The following TANC2 variants were observed in gnomAD, a reference collection of about 807,000 sequenced individuals.
TANC2 encodes the protein protein TANC2.
Under a neutral mutation model 210.5 loss-of-function variants are expected in TANC2, and 26 were observed. The observed-to-expected ratio is 0.12, with a 90% CI of 0.09 to 0.17. The LOEUF is 0.17. Ranked by LOEUF, TANC2 falls within the 10% of genes least tolerant of loss-of-function variation. TANC2 has a pLI of 1.00. For missense variants in TANC2, 2,129 were observed against 2,608.9 expected (o/e 0.82, Z 4.01); for synonymous variants, 931 against 967.1 (o/e 0.96, Z 0.69).
intron 25 of TANC2, among the ~76,000 whole-genome samples, chr17:63,413,952 T>A (rs1317608483): frequency 6.6e-6 from 1 of 152,218 alleles, no homozygotes; most frequent in Non-Finnish European, 1.5e-5. Context: ...AGTAAAATTA[T>A]GTAGTATAGC....
intron 9 of TANC2, among the ~76,000 whole-genome samples, chr17:63,301,828 T>C (rs2044726978): frequency 6.6e-6 from 1 of 152,320 alleles, no homozygotes; most frequent in African/African-American, 2.4e-5. Context: ...AGCTTTTGGA[T>C]TTGTTTGCTC....
intron 14 of TANC2, among the ~76,000 whole-genome samples, chr17:63,365,778 C>T (rs2047092574): frequency 6.6e-6 from 1 of 152,058 alleles, no homozygotes; most frequent in Admixed American, 6.6e-5. Flanking sequence ...ATCTCTCACT[C>T]CTCCTTCAGA....
At chr17:63,087,092 C>T (rs1321364159) in intron 3 of TANC2, among the ~76,000 whole-genome samples, 1 of 152,230 alleles carries the variant, frequency 6.6e-6, no homozygotes, top group Non-Finnish European at 1.5e-5. Context: ...CCTTTAAGAG[C>T]TGTAACAATC....
chr17:62,980,566 T>C (rs2032249518), intron 1 of TANC2, among the ~76,000 whole-genome samples: 1 of 152,180 alleles, frequency 6.6e-6, no homozygotes, highest in African/African-American at 2.4e-5. Context: ...TAACATGCAA[T>C]ACTCTGGCTT....
At chr17:63,201,295 G>A (rs1445407042) in intron 7 of TANC2, among the ~76,000 whole-genome samples, 6 of 152,102 alleles carry the variant, frequency 3.9e-5, no homozygotes, top group East Asian at 1.9e-4. Context: ...TGGTATAGTC[G>A]AGAGTTTTAT....
At chr17:63,052,546 G>A (rs998752419) in intron 2 of TANC2, among the ~76,000 whole-genome samples, 1 of 152,160 alleles carries the variant, frequency 6.6e-6, no homozygotes, top group Admixed American at 6.6e-5. Context: ...ATGGTTGCAA[G>A]TAACAGAAAA....
At chr17:63,156,360 G>A (rs558221159) in intron 5 of TANC2, among the ~76,000 whole-genome samples, 1 of 151,770 alleles carries the variant, frequency 6.6e-6, no homozygotes, top group Admixed American at 6.6e-5. Flanking sequence ...CAAAACAGTT[G>A]GTAACCTCCC....
chr17:63,123,467 G>A (rs2038567755), intron 4 of TANC2, among the ~76,000 whole-genome samples: 1 of 151,494 alleles, frequency 6.6e-6, no homozygotes, highest in Non-Finnish European at 1.5e-5. Context: ...GCTGAGGCAG[G>A]AGAGTTGCTT....
intron 2 of TANC2, among the ~76,000 whole-genome samples, chr17:63,073,455 T>G (rs2144652689): frequency 6.6e-6 from 1 of 152,134 alleles, no homozygotes; most frequent in East Asian, 1.9e-4. Context: ...TTTATTTGGT[T>G]TTTAGCTTTT....
Position 63,412,089 on chromosome 17 carries a change from C to T in TANC2, c.3857C>T (p.Thr1286Ile). 3.1e-6 allele frequency: 5 copies of T among 1,613,970 alleles called. No homozygotes were observed. Among genetic ancestry groups the T allele is most frequent in the Non-Finnish European group, 4.2e-6 (5 of 1,179,882 alleles). ...GATAGGGCAGTGGGGTGCCGGAACACTTCTGTTGTTGTCACTCTTCTGAAG... is the reference window on the plus strand; with the variant it reads ...GATAGGGCAGTGGGGTGCCGGAACATTTCTGTTGTTGTCACTCTTCTGAAG... The change falls in exon 23 of 28, where the codon ACT becomes ATT. Residue 1286 changes from threonine to isoleucine, a missense_variant. By Grantham distance (89) the Thr-to-Ile change is moderately conservative (BLOSUM62 -1). Around this residue, in one of 5 missense-constraint regions of TANC2, gnomAD observed 644 missense variants for 937.5 expected, o/e 0.69. Coordinates refer to ENST00000689528, the Ensembl canonical transcript of TANC2. The surrounding 1 kb of genome is among the most constrained non-coding windows in gnomAD (Gnocchi z 4.2).
intron 8 of TANC2, among the ~76,000 whole-genome samples, chr17:63,247,403 T>G (rs1040839501): frequency 2.0e-5 from 3 of 151,996 alleles, no homozygotes; most frequent in African/African-American, 7.2e-5. Context: ...GACATTGGGG[T>G]TTGTTTTAAC....
chr17:63,024,381 C>T (rs2034467615), intron 2 of TANC2, among the ~76,000 whole-genome samples: 1 of 152,192 alleles, frequency 6.6e-6, no homozygotes, highest in African/African-American at 2.4e-5. Flanking sequence ...CCTGTCATTG[C>T]CATGACATTC....
intron 1 of TANC2, among the ~76,000 whole-genome samples, chr17:62,976,356 C>G (rs1372179184): frequency 6.6e-6 from 1 of 151,992 alleles, no homozygotes; most frequent in East Asian, 1.9e-4. Context: ...ACCCCTACCC[C>G]CAGCCAGTGC....
In TANC2 at chr17:63,411,717, CAG is replaced by C. The variant is rs758035707; in HGVS notation, c.3765+38_3765+39del. The C allele has an allele frequency of 6.8e-5, 108 of 1,584,356 alleles. 1 individual carries two copies. Among genetic ancestry groups the C allele is most frequent in the Non-Finnish European group, 9.0e-5 (105 of 1,165,792 alleles). On this transcript the variant is annotated intron_variant, in intron 22 of 27. Transcript: ENST00000689528. ...TACCTTTAAACAAGCCTCAAGAGAG[CAG>C]AGAGAGGGGCTATTCTCCATCCATA...
chr17:63,300,186 C>T (rs2044667290), intron 9 of TANC2, among the ~76,000 whole-genome samples: 1 of 152,098 alleles, frequency 6.6e-6, no homozygotes, highest in Non-Finnish European at 1.5e-5. Flanking sequence ...GTTACTACAG[C>T]CTTGTAGTAT....
At chr17:63,191,215 C>T (rs2041173545) in intron 5 of TANC2, among the ~76,000 whole-genome samples, 1 of 151,748 alleles carries the variant, frequency 6.6e-6, no homozygotes, top group African/African-American at 2.4e-5. Flanking sequence ...ACATTTTAAG[C>T]ATATTTTAAA....
At chr17:63,335,982 A>G (rs536789693) in intron 11 of TANC2, among the ~76,000 whole-genome samples, 1 of 152,214 alleles carries the variant, frequency 6.6e-6, no homozygotes, top group South Asian at 2.1e-4. Flanking sequence ...AAAAAATGGT[A>G]GGGCTCCAAG....
intron 4 of TANC2, among the ~76,000 whole-genome samples, chr17:63,133,060 G>T (rs549422239): frequency 1.6e-4 from 25 of 152,228 alleles, no homozygotes; most frequent in African/African-American, 5.1e-4. Flanking sequence ...TGCAACCTCC[G>T]CCTTCTGGGT....
At chr17:63,122,274 C>T (rs991567117) in intron 4 of TANC2, among the ~76,000 whole-genome samples, 2 of 152,170 alleles carry the variant, frequency 1.3e-5, no homozygotes, top group African/African-American at 2.4e-5. Context: ...TGACAGCAGA[C>T]ACTTTATTTC....
Sources: gnomAD v4.1 joint callset for allele counts (sites outside exome capture counted in the v4.1 genomes callset) on GRCh38, gnomAD v4.1.1 for gene constraint, gnomAD v4.1.1 regional missense constraint, Gnocchi (gnomAD v3.1) non-coding constraint, MANE v1.5 for transcripts, NCBI Gene and HGNC (gene_info 2026-07-23, HGNC 2026-07-21) for gene names.